NFIA: variants seen among roughly 807,000 people sequenced by gnomAD.
The protein encoded by NFIA is nuclear factor I A.
A neutral mutation model predicts 62.8 loss-of-function variants in NFIA; 8 were observed. That is an observed-to-expected ratio of 0.13 (90% CI 0.07 to 0.23). The LOEUF is 0.23. NFIA is among the 10% of genes least tolerant of loss of function. NFIA has a pLI of 1.00. For missense variants in NFIA, 410 were observed against 642.1 expected (o/e 0.64, Z 3.91); for synonymous variants, 235 against 238.1 (o/e 0.99, Z 0.12).
intron 2 of NFIA, among the ~76,000 whole-genome samples, chr1:61,273,168 T>G (rs1442517615): frequency 2.6e-5 from 4 of 152,190 alleles, no homozygotes; most frequent in Non-Finnish European, 5.9e-5. Flanking sequence ...ACAGCAGTTG[T>G]GAGGATTTTG....
chr1:61,391,435 A>G (rs1205099621), intron 7 of NFIA, among the ~76,000 whole-genome samples: 1 of 124,602 alleles, frequency 8.0e-6, no homozygotes, highest in Non-Finnish European at 1.7e-5. Context: ...TTATGAATCA[A>G]ACACACACAC....
intron 2 of NFIA, among the ~76,000 whole-genome samples, chr1:61,089,651 A>G (rs1646281576): frequency 6.8e-6 from 1 of 147,064 alleles, no homozygotes; most frequent in African/African-American, 2.5e-5. Flanking sequence ...GTGGAATCCT[A>G]CCAGTAGGTT....
intron 7 of NFIA, among the ~76,000 whole-genome samples, chr1:61,401,019 T>C (rs566401231): frequency 1.8e-5 from 2 of 108,502 alleles, no homozygotes; most frequent in East Asian, 6.3e-4. Flanking sequence ...AAATAGCATC[T>C]ATTTAATAAT....
At chr1:61,218,074 A>G (rs1653760336) in intron 2 of NFIA, among the ~76,000 whole-genome samples, 2 of 152,224 alleles carry the variant, frequency 1.3e-5, no homozygotes, top group Non-Finnish European at 1.5e-5. Context: ...TATATATTTC[A>G]TTCTTTCAGT....
intron 2 of NFIA, among the ~76,000 whole-genome samples, chr1:61,255,438 G>A (rs1388763423): frequency 6.6e-6 from 1 of 152,172 alleles, no homozygotes; most frequent in Non-Finnish European, 1.5e-5. Flanking sequence ...AAATACTTTT[G>A]CATTATGCGT....
intron 2 of NFIA, among the ~76,000 whole-genome samples, chr1:61,120,399 G>A (rs1646869068): frequency 6.6e-6 from 1 of 152,160 alleles, no homozygotes; most frequent in African/African-American, 2.4e-5. Flanking sequence ...CTGTCTGCCA[G>A]ATTTAAGGAT....
At chr1:61,242,716 G>C (rs1317545134) in intron 2 of NFIA, among the ~76,000 whole-genome samples, 1 of 152,118 alleles carries the variant, frequency 6.6e-6, no homozygotes, top group African/African-American at 2.4e-5. Context: ...TTTATATTCT[G>C]ATTGAGACCT....
At chr1:61,428,006 A>G (rs1339586481) in intron 10 of NFIA, among the ~76,000 whole-genome samples, 4 of 152,176 alleles carry the variant, frequency 2.6e-5, no homozygotes, top group African/African-American at 7.2e-5. Context: ...TCCAAGTTCA[A>G]TGAGAGGGGG....
At chr1:61,101,828 G>T (rs145836757) in intron 2 of NFIA, among the ~76,000 whole-genome samples, 1 of 152,192 alleles carries the variant, frequency 6.6e-6, no homozygotes, top group Non-Finnish European at 1.5e-5. Flanking sequence ...CATGTAAGGG[G>T]TCTTATAAGT....
intron 6 of NFIA, among the ~76,000 whole-genome samples, chr1:61,363,693 A>G (rs1663428169): frequency 6.6e-6 from 1 of 152,178 alleles, no homozygotes; most frequent in Non-Finnish European, 1.5e-5. Context: ...AAGCCTTGTA[A>G]TACAACTTAA....
intron 2 of NFIA, among the ~76,000 whole-genome samples, chr1:61,222,407 AC>A (rs1228703797): frequency 1.3e-5 from 2 of 151,950 alleles, no homozygotes; most frequent in African/African-American, 4.8e-5. Flanking sequence ...CATATTTTCA[AC>A]CTGTTTGTTT....
intron 2 of NFIA, among the ~76,000 whole-genome samples, chr1:61,208,344 A>G (rs1653029061): frequency 6.6e-6 from 1 of 152,244 alleles, no homozygotes; most frequent in Non-Finnish European, 1.5e-5. Flanking sequence ...CATGCCAGGC[A>G]GAGTGAGCTC....
intron 2 of NFIA, among the ~76,000 whole-genome samples, chr1:61,094,306 C>G (rs2100424331): frequency 6.6e-6 from 1 of 152,150 alleles, no homozygotes; most frequent in Admixed American, 6.5e-5. Flanking sequence ...AAACATAAAA[C>G]CCTGAACTTA....
At position 61,461,201 on chromosome 1, in the gene NFIA, T is replaced by C. The variant is rs2147962752; in HGVS notation, c.*5881T>C. The C allele has an allele frequency of 6.6e-6, 1 of 152,174 alleles. No individual in the cohort carries two copies. The highest frequency in any genetic ancestry group is 1.9e-4 in the East Asian group (1 of 5,188). 9.4% of individuals were successfully genotyped at this position (152,174 alleles called of 1,614,324 possible). ...TTGACTGATGCTATGCGGAGACTGA[T>C]ACATTTTCTTAATGGACAATGTTCA... On this transcript the variant is annotated 3_prime_UTR_variant, in exon 11 of 11. Coordinates refer to ENST00000403491, the MANE Select transcript of NFIA (RefSeq NM_001134673.4).
At chr1:61,345,612 C>G (rs956050697) in intron 4 of NFIA, among the ~76,000 whole-genome samples, 1 of 152,084 alleles carries the variant, frequency 6.6e-6, no homozygotes, top group Non-Finnish European at 1.5e-5. Flanking sequence ...GCTCCCTGAA[C>G]TCTGCCTCCT....
intron 8 of NFIA, 51 bp downstream of exon 8, chr1:61,404,333 A>C (rs981140482): frequency 8.6e-6 from 13 of 1,514,312 alleles, no homozygotes; most frequent in Non-Finnish European, 1.2e-5. Context: ...GCCGAATATA[A>C]AAATAACAAG....
At position 61,460,792 on chromosome 1, in the gene NFIA, C is replaced by T. The variant is rs1328399525; in HGVS notation, c.*5472C>T. The T allele has an allele frequency of 6.6e-6, 1 of 152,142 alleles. No individual in the cohort carries two copies. Among genetic ancestry groups the T allele is most frequent in the East Asian group, 1.9e-4 (1 of 5,200 alleles). 9.4% of individuals were successfully genotyped at this position (152,142 alleles called of 1,614,324 possible). A position where few individuals can be genotyped will look rare whatever the true frequency, so the allele number is the denominator to read the frequency against. On this transcript the variant is annotated 3_prime_UTR_variant, in exon 11 of 11. Coordinates refer to ENST00000403491, the MANE Select transcript of NFIA (RefSeq NM_001134673.4). ...TCTGGTATAGGTGATGTAAAATAAC[C>T]GTACAATATTAATGCATGCGATTCC...
chr1:61,277,801 T>G (rs1414943353), intron 3 of NFIA, among the ~76,000 whole-genome samples: 1 of 152,118 alleles, frequency 6.6e-6, no homozygotes, highest in Admixed American at 6.5e-5. Flanking sequence ...CTAAACACTA[T>G]TAGGGTGCCC....
chr1:61,171,303 C>T (rs554390386), intron 2 of NFIA, among the ~76,000 whole-genome samples: 2 of 152,052 alleles, frequency 1.3e-5, no homozygotes, highest in Admixed American at 6.5e-5. Flanking sequence ...AATAAAAAGC[C>T]GAGCAAATCG....
Sources: allele counts gnomAD v4.1 joint callset (sites outside exome capture counted in the v4.1 genomes callset), GRCh38; gene constraint gnomAD v4.1.1; transcripts MANE v1.5; gene names NCBI Gene and HGNC (gene_info 2026-07-23, HGNC 2026-07-21).